The following TMPRSS15 variants were observed in gnomAD, a reference collection of about 807,000 sequenced individuals.
TMPRSS15 encodes transmembrane serine protease 15, also known as enteropeptidase.
A neutral mutation model predicts 125.3 loss-of-function variants in TMPRSS15; 128 were observed. The observed-to-expected ratio is 1.02, with a 90% CI of 0.89 to 1.18. The LOEUF (loss-of-function observed/expected upper bound fraction) is 1.18. Ranked by LOEUF, TMPRSS15 falls within the 50% of genes most tolerant of loss-of-function variation. The pLI, the probability that TMPRSS15 is intolerant of heterozygous loss-of-function variation, is 0.00. For synonymous variants in TMPRSS15, 446 were observed against 423.2 expected (o/e 1.05, Z -0.66); for missense variants, 1,283 against 1,212.7 (o/e 1.06, Z -0.86).
Position 18,275,291 on chromosome 21 carries a change from G to C in TMPRSS15, c.2810C>G (p.Ser937Ter). ...CATCTGCTGTTGGCATCTCTCATTTGATAGAAGAGGAACATCAGCTTCTTG... is the reference window on the plus strand; with the variant it reads ...CATCTGCTGTTGGCATCTCTCATTTCATAGAAGAGGAACATCAGCTTCTTG... ...ILQEADVPLLSNERCQQQMPE... is the reference protein window; with the variant it reads ...ILQEADVPLL Residue 937 changes from serine (S) to a stop codon, truncating the protein, a stop_gained, in exon 24 of 25, where the codon TCA becomes TGA. Coordinates refer to ENST00000284885, the MANE Select transcript of TMPRSS15 (RefSeq NM_002772.3). LOFTEE classifies it high-confidence loss of function. The C allele has an allele frequency of 6.2e-7, 1 of 1,614,020 alleles. No individual in the cohort carries two copies. The highest frequency in any genetic ancestry group is 1.1e-5 in the South Asian group (1 of 91,072).
rs758472933 is a variant in TMPRSS15 at position 18,275,273 on chromosome 21, T to C, written c.2828A>G (p.Gln943Arg). Reference sequence around the variant, plus strand: ...AGTAATGTTATATTCTGGCATCTGCTGTTGGCATCTCTCATTTGATAGAAG... The same window carrying C: ...AGTAATGTTATATTCTGGCATCTGCCGTTGGCATCTCTCATTTGATAGAAG... ...VPLLSNERCQ[Q>R]QMPEYNITEN... The change falls in exon 24 of 25, where the codon CAG (glutamine) becomes CGG (arginine). Residue 943 changes from glutamine to arginine, a missense_variant. Coordinates refer to ENST00000284885, the MANE Select transcript of TMPRSS15 (RefSeq NM_002772.3). 3.1e-6 allele frequency: 5 copies of C among 1,614,024 alleles called. No individual in the cohort carries two copies. The African/African-American group carries it at 5.3e-5, about 17-fold the overall frequency.
Position 18,353,839 on chromosome 21 carries a change from C to T in TMPRSS15, c.905G>A (p.Gly302Asp). 1 of 1,611,110 alleles carries T rather than the reference C, an allele frequency of 6.2e-7. No homozygotes were observed. Among genetic ancestry groups the T allele is most frequent in the Non-Finnish European group, 8.5e-7 (1 of 1,177,986 alleles). Residue 302 changes from glycine (G) to aspartate (D), a missense_variant, in exon 9 of 25, where the codon GGC becomes GAC. Coordinates refer to ENST00000284885, the MANE Select transcript of TMPRSS15 (RefSeq NM_002772.3). Reference protein sequence around the residue: ...LRASIWETNPGTIRIFSNQVT... With the variant: ...LRASIWETNPDTIRIFSNQVT... Reference sequence around the variant, plus strand: ...TTGGTTGGAAAAAATTCTTATTGTGCCAGGATTAGTTTCCCAAATAGAAGC... The same window carrying T: ...TTGGTTGGAAAAAATTCTTATTGTGTCAGGATTAGTTTCCCAAATAGAAGC...
intron 7 of TMPRSS15, among the ~76,000 whole-genome samples, chr21:18,361,612 C>T (rs558538435): frequency 1.3e-5 from 2 of 152,114 alleles, no homozygotes; most frequent in Non-Finnish European, 2.9e-5. Context: ...ACATTCTTCA[C>T]AGAGTTAGTT....
intron 23 of TMPRSS15, among the ~76,000 whole-genome samples, chr21:18,277,708 C>T (rs151275904): frequency 6.6e-6 from 1 of 152,206 alleles, no homozygotes; most frequent in East Asian, 1.9e-4. Flanking sequence ...ATTCTGAGAC[C>T]CTCTACCTTT....
chr21:18,347,198 C>A (rs966388080), intron 10 of TMPRSS15, among the ~76,000 whole-genome samples: 1 of 150,646 alleles, frequency 6.6e-6, no homozygotes, highest in African/African-American at 2.4e-5. Flanking sequence ...CTCGGTGGCA[C>A]TTTGTACTTC....
At chr21:18,333,704 G>A (rs1384493567) in intron 13 of TMPRSS15, among the ~76,000 whole-genome samples, 1 of 152,130 alleles carries the variant, frequency 6.6e-6, no homozygotes, top group Non-Finnish European at 1.5e-5. Flanking sequence ...AAGCCAGGTT[G>A]AGACGGGTAA....
chr21:18,270,127 A>G lies in TMPRSS15; in HGVS notation c.2905-3T>C, dbSNP rs746026760. On this transcript the variant is annotated splice_polypyrimidine_tract_variant and splice_region_variant and intron_variant, in intron 24 of 24. Coordinates refer to ENST00000284885, the MANE Select transcript of TMPRSS15 (RefSeq NM_002772.3). ...ATTAATGGTCCTCCTGAATCCCCCT[A>G]AAGAGTGAATTGCAAAACAAAATTG... The G allele has an allele frequency of 6.2e-7, 1 of 1,613,782 alleles. No homozygotes were observed. The highest frequency in any genetic ancestry group is 8.5e-7 in the Non-Finnish European group (1 of 1,179,744).
At chr21:18,380,447 A>G (rs1420652295) in intron 4 of TMPRSS15, 1 of 423,790 alleles carries the variant, frequency 2.4e-6, no homozygotes, top group East Asian at 7.4e-5. Context: ...TGAATGCCTC[A>G]GAAATAGCTG....
At chr21:18,312,041 T>C (rs1028866567) in intron 18 of TMPRSS15, among the ~76,000 whole-genome samples, 30 of 152,244 alleles carry the variant, frequency 2.0e-4, no homozygotes, top group African/African-American at 7.2e-4. Context: ...ATAGACCTCA[T>C]AGTTTAATAT....
intron 1 of TMPRSS15, among the ~76,000 whole-genome samples, chr21:18,474,706 A>T (rs1179565726): frequency 5.3e-5 from 8 of 152,234 alleles, no homozygotes; most frequent in Non-Finnish European, 8.8e-5. Context: ...AAAGCTGAGA[A>T]GATCAGAACA....
intron 1 of TMPRSS15, among the ~76,000 whole-genome samples, chr21:18,439,283 A>G (rs2076235927): frequency 6.6e-6 from 1 of 152,220 alleles, no homozygotes; most frequent in South Asian, 2.1e-4. Flanking sequence ...AAGAATTTCT[A>G]TGATCATATA....
chr21:18,394,563 C>G (rs1316497240), intron 3 of TMPRSS15, among the ~76,000 whole-genome samples: 2 of 151,938 alleles, frequency 1.3e-5, no homozygotes, highest in African/African-American at 4.8e-5. Context: ...GTCTCTCTCT[C>G]TTTCTCTCAC....
intron 14 of TMPRSS15, among the ~76,000 whole-genome samples, chr21:18,329,532 A>G (rs1011997738): frequency 5.9e-5 from 9 of 151,524 alleles, no homozygotes; most frequent in East Asian, 3.9e-4. Flanking sequence ...AAATTAGTAT[A>G]ATTGATATTT....
chr21:18,483,234 A>G (rs1255990887), intron 1 of TMPRSS15, among the ~76,000 whole-genome samples: 1 of 151,836 alleles, frequency 6.6e-6, no homozygotes, highest in Non-Finnish European at 1.5e-5. Context: ...AAGCGCACTG[A>G]GTTCAGATAA....
At position 18,353,823 on chromosome 21, in the gene TMPRSS15, A is replaced by G. The variant is rs1299344853; in HGVS notation, c.921T>C (p.Phe307=). ...GAAAGGTGGCAGTAACTTGGTTGGA[A>G]AAAATTCTTATTGTGCCAGGATTAG... ...WETNPGTIRI[F]SNQVTATFLI... is the part of the protein sequence containing the mutation. Residue 307 remains phenylalanine, a synonymous_variant, in exon 9 of 25, where the codon TTT becomes TTC. Transcript: ENST00000284885. 2 of 1,611,734 alleles carry G rather than the reference A, an allele frequency of 1.2e-6. No individual in the cohort carries two copies. The highest frequency in any genetic ancestry group is 2.2e-5 in the South Asian group (2 of 91,036).
intron 3 of TMPRSS15, among the ~76,000 whole-genome samples, chr21:18,395,996 G>A (rs2076031066): frequency 6.6e-6 from 1 of 152,110 alleles, no homozygotes; most frequent in Non-Finnish European, 1.5e-5. Flanking sequence ...ACCTTCAACT[G>A]CAGTGCAGCA....
intron 1 of TMPRSS15, among the ~76,000 whole-genome samples, chr21:18,465,405 T>C (rs930869280): frequency 6.6e-6 from 1 of 152,112 alleles, no homozygotes. Context: ...TAGAAGTTCT[T>C]GCCAGGGAAA....
intron 1 of TMPRSS15, among the ~76,000 whole-genome samples, chr21:18,456,985 T>C (rs918466560): frequency 1.3e-5 from 2 of 152,036 alleles, no homozygotes; most frequent in Non-Finnish European, 2.9e-5. Context: ...ATTTAGGCAA[T>C]AGAATGTTAG....
chr21:18,290,244 T>C (rs1199070602), intron 21 of TMPRSS15, among the ~76,000 whole-genome samples: 2 of 152,182 alleles, frequency 1.3e-5, no homozygotes, highest in Non-Finnish European at 2.9e-5. Flanking sequence ...AGGTATATAA[T>C]AGAGCTTTGT....
Sources: gnomAD v4.1 joint callset for allele counts (sites outside exome capture counted in the v4.1 genomes callset) on GRCh38, gnomAD v4.1.1 for gene constraint, MANE v1.5 for transcripts, NCBI Gene and HGNC (gene_info 2026-07-23, HGNC 2026-07-21) for gene names.